CTNNA3: variants seen among roughly 807,000 people sequenced by gnomAD.
CTNNA3 encodes the protein catenin alpha-3.
A neutral mutation model predicts 95.7 loss-of-function variants in CTNNA3; 76 were observed. The ratio of observed to expected loss-of-function variants is 0.79; its 90% CI spans 0.66 to 0.96. CTNNA3 has a LOEUF of 0.96. CTNNA3 is among the 40% of genes least tolerant of loss of function. The pLI, the probability that CTNNA3 is intolerant of heterozygous loss-of-function variation, is 0.00. For missense variants in CTNNA3, 1,191 were observed against 1,089.8 expected, an observed-to-expected ratio of 1.09 and a Z score of -1.31; for synonymous variants, 431 against 374.4, an observed-to-expected ratio of 1.15 and a Z score of -1.74.
chr10:67,504,025 T>C (rs574485953), intron 5 of CTNNA3, among the ~76,000 whole-genome samples: 2,610 of 147,384 alleles, frequency 0.018, 31 homozygotes, highest in Non-Finnish European at 0.027. Context: ...GGCATGGTGG[T>C]GGGTGCCTGT....
At chr10:66,524,811 A>T (rs1461845680) in intron 10 of CTNNA3, among the ~76,000 whole-genome samples, 2 of 152,136 alleles carry the variant, frequency 1.3e-5, no homozygotes. Flanking sequence ...GGACTTTGGG[A>T]GGCTAAGGCA....
At chr10:66,918,077 C>T (rs1191815802) in intron 7 of CTNNA3, among the ~76,000 whole-genome samples, 13 of 152,186 alleles carry the variant, frequency 8.5e-5, no homozygotes, top group Admixed American at 8.5e-4. Flanking sequence ...AGCTAGAAAA[C>T]TGATTTCTCT....
At chr10:66,618,221 A>C (rs1844598203) in intron 10 of CTNNA3, among the ~76,000 whole-genome samples, 1 of 151,918 alleles carries the variant, frequency 6.6e-6, no homozygotes, top group Non-Finnish European at 1.5e-5. Flanking sequence ...TTTAAAGTTC[A>C]TATGGAACCA....
intron 10 of CTNNA3, among the ~76,000 whole-genome samples, chr10:66,548,271 C>T (rs1221143184): frequency 6.6e-6 from 1 of 152,010 alleles, no homozygotes; most frequent in Non-Finnish European, 1.5e-5. Context: ...AACTTCATTG[C>T]TTATATCTTT....
chr10:66,284,420 T>G (rs1161576970), intron 12 of CTNNA3, among the ~76,000 whole-genome samples: 1 of 151,912 alleles, frequency 6.6e-6, no homozygotes, highest in Non-Finnish European at 1.5e-5. Context: ...ACCCTAAATC[T>G]GCACTGCTTT....
intron 7 of CTNNA3, among the ~76,000 whole-genome samples, chr10:66,813,898 G>A (rs1841977700): frequency 4.0e-5 from 6 of 151,778 alleles, no homozygotes; most frequent in Admixed American, 4.0e-4. Flanking sequence ...ACAGAGAAAT[G>A]TGAAATGTAG....
At chr10:67,153,320 A>G (rs1245246432) in intron 7 of CTNNA3, among the ~76,000 whole-genome samples, 1 of 152,220 alleles carries the variant, frequency 6.6e-6, no homozygotes, top group Non-Finnish European at 1.5e-5. Context: ...TGTATCCTCC[A>G]GAGATTCAGA....
rs140163894 is a variant in CTNNA3 at position 66,046,742 on chromosome 10, AAG to A, written c.2159+22564_2159+22565del. 2.7e-3 allele frequency among the ~76,000 whole-genome samples: 411 copies of A among 152,228 alleles called. 3 individuals are homozygous for A. The highest frequency in any genetic ancestry group is 9.3e-3 in the African/African-American group (387 of 41,556). On this transcript the variant is annotated intron_variant, in intron 15 of 17. Coordinates refer to ENST00000433211, the MANE Select transcript of CTNNA3 (RefSeq NM_013266.4). The stretch of plus-strand genomic sequence containing the variant: ...TTATACCTAGACAAATAAGGAAGAA[AAG>A]AGAGAATATCCAAATAAACACAACT...
intron 9 of CTNNA3, among the ~76,000 whole-genome samples, chr10:66,730,271 T>A (rs1272492184): frequency 6.6e-6 from 1 of 151,994 alleles, no homozygotes; most frequent in East Asian, 1.9e-4. Context: ...TATGCAGCCA[T>A]AAAAAGGAAT....
intron 7 of CTNNA3, among the ~76,000 whole-genome samples, chr10:66,851,611 C>T (rs1204994199): frequency 2.4e-5 from 1 of 41,844 alleles, no homozygotes; most frequent in African/African-American, 1.7e-4. Flanking sequence ...GCATCCCCAC[C>T]CACCTCTCTC....
rs761656740 is a variant in CTNNA3 at position 66,069,474 on chromosome 10, G to C, written c.1993C>G (p.Leu665Val). ...GKTDRAKMTQ[L>V]PEAEKEKIAE... Reference sequence around the variant, plus strand: ...ATCTTTTCTTTTTCTGCCTCAGGCAGTTGAGTCATCTTAGCCTAAAACATG... The same window carrying C: ...ATCTTTTCTTTTTCTGCCTCAGGCACTTGAGTCATCTTAGCCTAAAACATG... The change falls in exon 15 of 18, where the codon CTG (leucine) becomes GTG (valine). Residue 665 changes from leucine (L) to valine (V), a missense_variant. Coordinates refer to ENST00000433211, the MANE Select transcript of CTNNA3 (RefSeq NM_013266.4). 4 of 1,611,446 alleles carry C rather than the reference G, an allele frequency of 2.5e-6. No homozygotes were observed. The highest frequency in any genetic ancestry group is 3.4e-6 in the Non-Finnish European group (4 of 1,178,996).
At chr10:67,556,571 C>T (rs1052040739) in intron 3 of CTNNA3, among the ~76,000 whole-genome samples, 3 of 151,828 alleles carry the variant, frequency 2.0e-5, no homozygotes, top group Non-Finnish European at 4.4e-5. Context: ...TCTGATGGTA[C>T]TTTGTATCTC....
chr10:66,224,168 T>C lies in CTNNA3; in HGVS notation c.1884+56302A>G, dbSNP rs531803380. Among the ~76,000 whole-genome samples the C allele has an allele frequency of 2.2e-4, 33 of 152,326 alleles. No homozygotes were observed. In the South Asian group the frequency reaches 6.8e-3, roughly 32 times the overall value. On this transcript the variant is annotated intron_variant, in intron 13 of 17. Coordinates refer to ENST00000433211, the MANE Select transcript of CTNNA3 (RefSeq NM_013266.4). ...GTAGGATTTACTCCATTGACTCCCC[T>C]GGTTCTCAGGTCCTCAAACTCCAAC...
chr10:66,231,447 G>T (rs1021135280), intron 13 of CTNNA3, among the ~76,000 whole-genome samples: 1 of 152,062 alleles, frequency 6.6e-6, no homozygotes, highest in African/African-American at 2.4e-5. Flanking sequence ...ATATCTAGCA[G>T]TTGTCCCTCT....
At chr10:65,946,304 A>T (rs1345676928) in intron 17 of CTNNA3, among the ~76,000 whole-genome samples, 1 of 152,204 alleles carries the variant, frequency 6.6e-6, no homozygotes, top group East Asian at 1.9e-4. Flanking sequence ...AATGTAAACC[A>T]AACTGACATG....
chr10:66,750,652 C>T (rs1839095174), intron 9 of CTNNA3, among the ~76,000 whole-genome samples: 1 of 152,152 alleles, frequency 6.6e-6, no homozygotes, highest in Non-Finnish European at 1.5e-5. Context: ...AATGTCAGTC[C>T]TCCAATGTTG....
intron 17 of CTNNA3, among the ~76,000 whole-genome samples, chr10:65,926,784 A>G (rs2077174790): frequency 6.6e-6 from 1 of 151,968 alleles, no homozygotes; most frequent in Non-Finnish European, 1.5e-5. Flanking sequence ...ACACATCTTC[A>G]TCTACATTTT....
At chr10:66,085,534 T>A (rs538739320) in intron 14 of CTNNA3, among the ~76,000 whole-genome samples, 7 of 152,276 alleles carry the variant, frequency 4.6e-5, no homozygotes, top group Non-Finnish European at 7.4e-5. Flanking sequence ...GTTTCTTTTT[T>A]GATTTATTTT....
chr10:67,504,130 C>A lies in CTNNA3; in HGVS notation c.579+17712G>T, dbSNP rs537948026. On this transcript the variant is annotated intron_variant, in intron 5 of 17. Transcript: ENST00000433211. Reference sequence around the variant, plus strand: ...CGAGATCACGCCACTGCACTCCAGCCTGGGCAACAGAGCAAGACTCCGTCT... The same window carrying A: ...CGAGATCACGCCACTGCACTCCAGCATGGGCAACAGAGCAAGACTCCGTCT... Among the ~76,000 whole-genome samples, 8 of 145,570 alleles carry A rather than the reference C, an allele frequency of 5.5e-5. No individual in the cohort carries two copies. In the South Asian group the frequency reaches 1.5e-3, roughly 28 times the overall value.
Sources: gnomAD v4.1 joint callset for allele counts (sites outside exome capture counted in the v4.1 genomes callset) on GRCh38, gnomAD v4.1.1 for gene constraint, MANE v1.5 for transcripts, NCBI Gene and HGNC (gene_info 2026-07-23, HGNC 2026-07-21) for gene names.